The following USH2A variants were observed in gnomAD, a reference collection of about 807,000 sequenced individuals.
The protein encoded by USH2A is usherin, also known as Usher syndrome 2A (autosomal recessive, mild).
USH2A carries 443 observed loss-of-function variants against 538.9 expected under a neutral mutation model. The ratio of observed to expected loss-of-function variants is 0.82; its 90% CI spans 0.76 to 0.89. The LOEUF (loss-of-function observed/expected upper bound fraction) is 0.89. USH2A is among the 40% of genes least tolerant of loss of function. The pLI is 0.00. For missense variants in USH2A, 6,633 were observed against 6,324.8 expected (o/e 1.05, Z -1.65); for synonymous variants, 2,413 against 2,273.5 (o/e 1.06, Z -1.75).
At chr1:215,719,362 C>CAAAAAAAAAAAA in intron 61 of USH2A, among the ~76,000 whole-genome samples, 1 of 74,640 alleles carries the variant, frequency 1.3e-5, no homozygotes, top group Non-Finnish European at 2.6e-5. Context: ...CCTCAGGAGA[C>CAAAAAAAAAAAA]AAAAAAAAAA....
At chr1:216,249,723 G>C (rs1163242844) in intron 12 of USH2A, among the ~76,000 whole-genome samples, 2 of 152,090 alleles carry the variant, frequency 1.3e-5, no homozygotes, top group Non-Finnish European at 1.5e-5. Context: ...TTATTAAATT[G>C]AAACGCTTGT....
intron 35 of USH2A, among the ~76,000 whole-genome samples, chr1:215,972,435 G>C (rs921366361): frequency 6.6e-6 from 1 of 152,144 alleles, no homozygotes; most frequent in Non-Finnish European, 1.5e-5. Context: ...GTAAGCACCA[G>C]CTCCTGTCAA....
intron 21 of USH2A, among the ~76,000 whole-genome samples, chr1:216,129,684 C>A (rs2033328986): frequency 1.3e-5 from 2 of 152,036 alleles, no homozygotes; most frequent in South Asian, 4.1e-4. Context: ...TAATGAAGTT[C>A]TTTATAAAAA....
In USH2A at chr1:216,418,613, G is replaced by C. The variant is rs1424954181; in HGVS notation, c.552C>G (p.Thr184=). The C allele has an allele frequency of 6.2e-7, 1 of 1,613,100 alleles. No homozygotes were observed. The highest frequency in any genetic ancestry group is 1.3e-5 in the African/African-American group (1 of 74,826). ...CATTTACTGTGCGATAATAAAACAT[G>C]GTCTCTTTCTCAGATATTGTAAGTT... ...VFKLTISEKE[T]MFYYRTVNGL... is the part of the protein sequence containing the mutation. Residue 184 remains threonine (T), a synonymous_variant, in exon 3 of 72, where the codon ACC becomes ACG. Coordinates refer to ENST00000307340, the MANE Select transcript of USH2A (RefSeq NM_206933.4).
chr1:215,669,961 G>T (rs549801938), intron 64 of USH2A, among the ~76,000 whole-genome samples: 2 of 152,158 alleles, frequency 1.3e-5, no homozygotes, highest in East Asian at 3.9e-4. Context: ...ATTTCTGTTG[G>T]CATTGTTCCT....
At chr1:215,822,593 C>G (rs933499572) in intron 47 of USH2A, among the ~76,000 whole-genome samples, 7 of 151,938 alleles carry the variant, frequency 4.6e-5, no homozygotes, top group Admixed American at 3.9e-4. Context: ...TTATCCCTTT[C>G]CGATTTGGAT....
At chr1:216,244,512 G>A (rs1007981742) in intron 13 of USH2A, among the ~76,000 whole-genome samples, 8 of 152,056 alleles carry the variant, frequency 5.3e-5, no homozygotes, top group Non-Finnish European at 1.2e-4. Context: ...TGGGAGAAAA[G>A]GGCTTAGAGT....
intron 21 of USH2A, among the ~76,000 whole-genome samples, chr1:216,158,001 T>C (rs1022747142): frequency 3.9e-5 from 6 of 152,174 alleles, no homozygotes; most frequent in African/African-American, 1.4e-4. Flanking sequence ...CTAGACTCTT[T>C]AGATTCTAGC....
At chr1:215,948,907 C>A (rs771506402) in intron 37 of USH2A, among the ~76,000 whole-genome samples, 1 of 151,908 alleles carries the variant, frequency 6.6e-6, no homozygotes, top group Admixed American at 6.6e-5. Flanking sequence ...CCATAATGTA[C>A]GGATTGTATC....
rs1666469728 is a variant in USH2A, at chr1:215,935,505, T to C, written c.7121-710A>G. Among the ~76,000 whole-genome samples, 11 of 152,052 alleles carry C rather than the reference T, an allele frequency of 7.2e-5. 1 individual carries two copies. The South Asian group carries it at 2.3e-3, about 32-fold the overall frequency. On this transcript the variant is annotated intron_variant, in intron 37 of 71. Transcript: ENST00000307340. ...ATATAAAAGAATCACTTTTAATACA[T>C]CCTCACCCTGGTCCCAACACCACTG...
intron 34 of USH2A, among the ~76,000 whole-genome samples, chr1:215,997,925 C>A (rs1394796969): frequency 6.6e-6 from 1 of 151,984 alleles, no homozygotes; most frequent in African/African-American, 2.4e-5. Flanking sequence ...TTTTTTTAAC[C>A]ACTGTCTGAT....
chr1:216,137,033 A>G (rs2033499316), intron 21 of USH2A, among the ~76,000 whole-genome samples: 1 of 152,206 alleles, frequency 6.6e-6, no homozygotes, highest in Non-Finnish European at 1.5e-5. Context: ...TGATTTTCCC[A>G]TGTCTATTGG....
intron 61 of USH2A, among the ~76,000 whole-genome samples, chr1:215,704,635 T>C (rs936957341): frequency 3.9e-5 from 6 of 152,172 alleles, no homozygotes; most frequent in African/African-American, 1.4e-4. Context: ...TCTGCCTCTT[T>C]CATTCACACC....
At chr1:215,887,274 G>A (rs148017906) in intron 41 of USH2A, among the ~76,000 whole-genome samples, 1 of 152,136 alleles carries the variant, frequency 6.6e-6, no homozygotes, top group African/African-American at 2.4e-5. Context: ...TAAAGAGACT[G>A]TGTTTGTTTT....
chr1:216,378,005 T>C (rs1393788434), intron 3 of USH2A, among the ~76,000 whole-genome samples: 1 of 151,646 alleles, frequency 6.6e-6, no homozygotes, highest in Non-Finnish European at 1.5e-5. Context: ...GTGCTTCGGA[T>C]GGTTCTGCCT....
chr1:216,397,614 C>A (rs2039233254), intron 3 of USH2A, among the ~76,000 whole-genome samples: 1 of 152,184 alleles, frequency 6.6e-6, no homozygotes, highest in Admixed American at 6.5e-5. Flanking sequence ...GCAGAATGCC[C>A]TTTCTTCCTC....
intron 49 of USH2A, among the ~76,000 whole-genome samples, chr1:215,808,716 T>A (rs6701765): frequency 0.47 from 71,073 of 151,866 alleles, 16,981 homozygotes; most frequent in Admixed American, 0.58. Flanking sequence ...TTCACTGGGC[T>A]TGATATCTTC....
chr1:215,831,455 C>A (rs977398214), intron 47 of USH2A, among the ~76,000 whole-genome samples: 7 of 152,020 alleles, frequency 4.6e-5, no homozygotes, highest in African/African-American at 1.7e-4. Flanking sequence ...AGATCATATT[C>A]TGGGCCCTGA....
intron 49 of USH2A, among the ~76,000 whole-genome samples, chr1:215,803,455 G>T (rs1662400499): frequency 6.6e-6 from 1 of 152,166 alleles, no homozygotes; most frequent in Non-Finnish European, 1.5e-5. Flanking sequence ...CAACATCAAT[G>T]TGCAAAAATC....
Sources: allele counts gnomAD v4.1 joint callset (sites outside exome capture counted in the v4.1 genomes callset), GRCh38; gene constraint gnomAD v4.1.1; transcripts MANE v1.5; gene names NCBI Gene and HGNC (gene_info 2026-07-23, HGNC 2026-07-21).